ECRG4: variants seen among roughly 807,000 people sequenced by gnomAD.
ECRG4 encodes augurin.
ECRG4 carries 18 observed loss-of-function variants against 15.8 expected under a neutral mutation model. That is an observed-to-expected ratio of 1.14 (90% CI 0.79 to 1.69). The LOEUF (loss-of-function observed/expected upper bound fraction) is 1.69, where lower values mean the gene tolerates loss of function less well. Among genes scored for constraint, ECRG4 ranks in the 40% most tolerant of loss-of-function variants. The pLI, the probability that ECRG4 is intolerant of heterozygous loss-of-function variation, is 0.00. For synonymous variants in ECRG4, 82 were observed against 73.9 expected, an observed-to-expected ratio of 1.11 and a Z score of -0.56; for missense variants, 200 against 190.9, an observed-to-expected ratio of 1.05 and a Z score of -0.28.
intron 1 of ECRG4, among the ~76,000 whole-genome samples, chr2:106,069,148 T>C (rs757041050): frequency 0.044 from 5,768 of 131,814 alleles, 188 homozygotes; most frequent in Non-Finnish European, 0.059. Context: ...TCTTTCTTTC[T>C]TTTCTTTCTT....
rs150617664 is a variant in ECRG4, at chr2:106,077,827, C to T, written c.348C>T (p.Gly116=). Residue 116 remains glycine, a synonymous_variant, in exon 4 of 4, where the codon GGC becomes GGT. Transcript: ENST00000238044. ...NRDRNGHEYY[G]DYYQRHYDED... ...ATCGAAATGGACATGAATACTATGG[C>T]GATTACTACCAACGTCACTATGATG... 27 of 1,613,920 alleles carry T rather than the reference C, an allele frequency of 1.7e-5. No individual in the cohort carries two copies. The highest frequency in any genetic ancestry group is 1.6e-4 in the Middle Eastern group (1 of 6,084).
At chr2:106,066,025 C>T (rs921938424) in intron 1 of ECRG4, among the ~76,000 whole-genome samples, 182 bp downstream of exon 1, 2 of 152,206 alleles carry the variant, frequency 1.3e-5, no homozygotes, top group African/African-American at 4.8e-5. Flanking sequence ...CGCACAAGTG[C>T]GAAGTGGTGC....
Position 106,072,322 on chromosome 2 carries a change from T to C in ECRG4, c.127+431T>C, listed in dbSNP as rs532992836. ...TCAAACAGGAAAGCCTTTCTTGTTA[T>C]TAGCCTCTGTTTTGAATAATGCATC... On this transcript the variant is annotated intron_variant, in intron 2 of 3. Coordinates refer to ENST00000238044, the MANE Select transcript of ECRG4 (RefSeq NM_032411.3). 3.7e-5 allele frequency: 6 copies of C among 161,694 alleles called. No homozygotes were observed. In the East Asian group the frequency reaches 1.1e-3, roughly 29 times the overall value. 10.0% of individuals were successfully genotyped at this position (161,694 alleles called of 1,614,324 possible).
intron 1 of ECRG4, among the ~76,000 whole-genome samples, chr2:106,068,543 T>C (rs888947295): frequency 6.6e-6 from 1 of 152,224 alleles, no homozygotes; most frequent in Non-Finnish European, 1.5e-5. Flanking sequence ...CTCTCATTTC[T>C]GGAGTAATAG....
upstream of ECRG4, among the ~76,000 whole-genome samples, chr2:106,065,083 TC>T (rs1676174171): frequency 6.6e-6 from 1 of 152,088 alleles, no homozygotes. Context: ...TGAGACGATT[TC>T]CCGGACTGCA....
upstream of ECRG4, chr2:106,065,644 G>C (rs373523328): frequency 2.9e-6 from 2 of 689,252 alleles, no homozygotes; most frequent in Non-Finnish European, 2.1e-6. Flanking sequence ...GTCCCGCCCC[G>C]GCAGCGACGC....
At chr2:106,066,197 C>A (rs1346220278) in intron 1 of ECRG4, among the ~76,000 whole-genome samples, 3 of 152,164 alleles carry the variant, frequency 2.0e-5, no homozygotes, top group Non-Finnish European at 4.4e-5. Context: ...AGCTGGTAAC[C>A]CAGAGGAGGC....
At chr2:106,067,058 C>CGGGGGGGGGGG (rs1553411443) in intron 1 of ECRG4, among the ~76,000 whole-genome samples, 1 of 3,398 alleles carries the variant, frequency 2.9e-4, no homozygotes, top group African/African-American at 1.7e-3. Context: ...CTTTGGGAGG[C>CGGGGGGGGGGG]CGGGGGGGGG....
chr2:106,073,393 TC>T (rs1207744239), intron 2 of ECRG4, among the ~76,000 whole-genome samples: 1 of 152,120 alleles, frequency 6.6e-6, no homozygotes, highest in Non-Finnish European at 1.5e-5. Context: ...TTGGGCAGGG[TC>T]TGGTCCCTGC....
At chr2:106,069,083 C>G (rs1676283837) in intron 1 of ECRG4, among the ~76,000 whole-genome samples, 1 of 143,864 alleles carries the variant, frequency 7.0e-6, no homozygotes. Context: ...CCACAAGTTT[C>G]CTTCCTCCCT....
chr2:106,070,974 G>A (rs1228690158), intron 1 of ECRG4: 2 of 471,246 alleles, frequency 4.2e-6, no homozygotes, highest in Non-Finnish European at 8.8e-6. Flanking sequence ...AGTTCGCTGG[G>A]TGGAGGCGTG....
Position 106,071,726 on chromosome 2 carries a change from C to T in ECRG4, c.80-118C>T, listed in dbSNP as rs949960969. On this transcript the variant is annotated intron_variant, in intron 1 of 3. Transcript: ENST00000238044. ...CAAGTGTTAAATACTGTGATGTTACCAAGTTGCCAAATCAAGGCAGGGGCC... is the reference window on the plus strand; with the variant it reads ...CAAGTGTTAAATACTGTGATGTTACTAAGTTGCCAAATCAAGGCAGGGGCC... 1.3e-5 allele frequency: 9 copies of T among 711,846 alleles called. No individual in the cohort carries two copies. The African/African-American group carries it at 1.6e-4, about 13-fold the overall frequency. 44.1% of individuals were successfully genotyped at this position (711,846 alleles called of 1,614,324 possible). A position where few individuals can be genotyped will look rare whatever the true frequency, so the allele number is the denominator to read the frequency against.
At chr2:106,070,764 A>C (rs902413317) in intron 1 of ECRG4, 2 of 310,516 alleles carry the variant, frequency 6.4e-6, no homozygotes, top group Non-Finnish European at 1.3e-5. Context: ...TGGCAGATGC[A>C]AACGCAATTT....
intron 1 of ECRG4, among the ~76,000 whole-genome samples, chr2:106,067,959 C>A (rs571004388): frequency 6.6e-5 from 10 of 151,728 alleles, no homozygotes; most frequent in African/African-American, 2.4e-4. Flanking sequence ...CTCAGCCTCC[C>A]GAGTAGCTGG....
At chr2:106,067,920 G>T (rs1441272080) in intron 1 of ECRG4, among the ~76,000 whole-genome samples, 1 of 149,104 alleles carries the variant, frequency 6.7e-6, no homozygotes, top group Non-Finnish European at 1.5e-5. Flanking sequence ...CTGCAGCCTT[G>T]ATCTCCCGGA....
rs115826050 is a variant in ECRG4 at position 106,074,799 on chromosome 2, G to A, written c.285+756G>A. ...GAGCAGATGGGCTTTTCATAGGCAG[G>A]ACCTCCAAATGGGCAGTTGGATGTG... On this transcript the variant is annotated intron_variant, in intron 3 of 3. Transcript: ENST00000238044. Among the ~76,000 whole-genome samples the A allele has an allele frequency of 6.6e-3, 1,000 of 152,254 alleles. 12 individuals are homozygous for A. Among genetic ancestry groups the A allele is most frequent in the African/African-American group, 0.022 (925 of 41,554 alleles).
chr2:106,077,688 G>C, intron 3 of ECRG4, 77 bp from the exon 4 acceptor site: 1 of 1,318,930 alleles, frequency 7.6e-7, no homozygotes, highest in Non-Finnish European at 1.1e-6. Flanking sequence ...ATGAAGAAAA[G>C]CCATAGGTAA....
chr2:106,065,977 C>A, intron 1 of ECRG4, 134 bp downstream of exon 1: 1 of 752,822 alleles, frequency 1.3e-6, no homozygotes, highest in Non-Finnish European at 2.0e-6. Flanking sequence ...TAGGCAGGGC[C>A]AAGGGGTGGT....
intron 3 of ECRG4, chr2:106,074,270 G>A (rs1676436821): frequency 1.9e-6 from 1 of 520,146 alleles, no homozygotes; most frequent in Non-Finnish European, 3.4e-6. Flanking sequence ...AGAACCCACG[G>A]CAGTCATGAA....
Sources: gnomAD v4.1 joint callset for allele counts (sites outside exome capture counted in the v4.1 genomes callset) on GRCh38, gnomAD v4.1.1 for gene constraint, MANE v1.5 for transcripts, NCBI Gene and HGNC (gene_info 2026-07-23, HGNC 2026-07-21) for gene names.